The following NALCN variants were observed in gnomAD, a reference collection of about 807,000 sequenced individuals.
NALCN encodes sodium leak channel NALCN.
A neutral mutation model predicts 225.3 loss-of-function variants in NALCN; 111 were observed. That is an observed-to-expected ratio of 0.49 (90% CI 0.42 to 0.58). NALCN has a LOEUF of 0.58. NALCN is among the 20% of genes least tolerant of loss of function. NALCN has a pLI of 0.00. For synonymous variants in NALCN, 764 were observed against 769.0 expected, an observed-to-expected ratio of 0.99 and a Z score of 0.11; for missense variants, 1,378 against 2,202.4, an observed-to-expected ratio of 0.63 and a Z score of 7.49.
chr13:101,241,439 CTT>C lies in NALCN; in HGVS notation c.1267-3519_1267-3518del, dbSNP rs201983020. ...AATTCAGTACAGATAACATGATAAC[CTT>C]TTTTTTTCTTTTTCTGAGACAGAGT... On this transcript the variant is annotated intron_variant, in intron 11 of 43. Coordinates refer to ENST00000251127, the MANE Select transcript of NALCN (RefSeq NM_052867.4). Among the ~76,000 whole-genome samples, 3 of 151,212 alleles carry C rather than the reference CTT, an allele frequency of 2.0e-5. No individual in the cohort carries two copies. In the East Asian group the frequency reaches 5.9e-4, roughly 30 times the overall value.
chr13:101,107,121 C>T (rs377063481), intron 22 of NALCN, among the ~76,000 whole-genome samples: 2 of 152,214 alleles, frequency 1.3e-5, no homozygotes, highest in East Asian at 3.8e-4. Flanking sequence ...CTACAAGCCT[C>T]ATGGAAGACA....
chr13:101,132,787 T>C (rs2036580662), intron 17 of NALCN, among the ~76,000 whole-genome samples: 1 of 152,140 alleles, frequency 6.6e-6, no homozygotes, highest in South Asian at 2.1e-4. Flanking sequence ...CTAGGCTTAG[T>C]ATAAAAAAGC....
chr13:101,413,832 T>G (rs1386404027), intron 1 of NALCN, among the ~76,000 whole-genome samples: 1 of 152,208 alleles, frequency 6.6e-6, no homozygotes, highest in Non-Finnish European at 1.5e-5. Flanking sequence ...GAGAATTGTA[T>G]AACATGAGTG....
At chr13:101,340,187 G>C (rs989788222) in intron 7 of NALCN, among the ~76,000 whole-genome samples, 1 of 151,878 alleles carries the variant, frequency 6.6e-6, no homozygotes, top group Non-Finnish European at 1.5e-5. Context: ...AGAATTGCTT[G>C]AACCCAGGAG....
intron 17 of NALCN, among the ~76,000 whole-genome samples, chr13:101,125,724 C>G (rs1405251248): frequency 2.0e-5 from 3 of 152,106 alleles, no homozygotes; most frequent in Non-Finnish European, 4.4e-5. Context: ...GACTAGTCGG[C>G]AAAGGCTTCA....
intron 25 of NALCN, 98 bp from the exon 26 acceptor site, chr13:101,103,437 G>C: frequency 1.5e-6 from 2 of 1,375,574 alleles, no homozygotes; most frequent in South Asian, 1.4e-5. Context: ...ATTTAGCAGA[G>C]ATTCCACTCA....
chr13:101,134,574 T>C (rs2036677251), intron 17 of NALCN, among the ~76,000 whole-genome samples: 1 of 152,244 alleles, frequency 6.6e-6, no homozygotes, highest in South Asian at 2.1e-4. Context: ...TTTAATGTAG[T>C]TAGTCCTTGA....
At chr13:101,238,565 C>T (rs1352768860) in intron 11 of NALCN, among the ~76,000 whole-genome samples, 1 of 151,786 alleles carries the variant, frequency 6.6e-6, no homozygotes, top group Non-Finnish European at 1.5e-5. Flanking sequence ...TTCCAAATAA[C>T]AATATTATAA....
chr13:101,310,523 TA>T, intron 7 of NALCN, among the ~76,000 whole-genome samples: 1 of 152,114 alleles, frequency 6.6e-6, no homozygotes, highest in Non-Finnish European at 1.5e-5. Context: ...ATGGCCACCT[TA>T]TCTGAAACTG....
intron 10 of NALCN, among the ~76,000 whole-genome samples, chr13:101,275,704 C>T (rs1412100022): frequency 4.6e-5 from 7 of 151,938 alleles, no homozygotes; most frequent in Admixed American, 2.6e-4. Context: ...TTGGGAGATG[C>T]GCATTTAGGC....
At chr13:101,257,232 G>A (rs1232617896) in intron 11 of NALCN, among the ~76,000 whole-genome samples, 3 of 106,348 alleles carry the variant, frequency 2.8e-5, no homozygotes, top group African/African-American at 1.0e-4. Context: ...TTTTTTGCTA[G>A]ATTGTAAGCT....
At chr13:101,364,807 T>C (rs1037115471) in intron 6 of NALCN, among the ~76,000 whole-genome samples, 2 of 152,192 alleles carry the variant, frequency 1.3e-5, no homozygotes, top group Non-Finnish European at 2.9e-5. Context: ...TTGATTATTA[T>C]GCCTTACATC....
In NALCN at chr13:101,277,516, T is replaced by G. The variant is rs549380081; in HGVS notation, c.1134+6417A>C. 5.3e-5 allele frequency among the ~76,000 whole-genome samples: 8 copies of G among 152,300 alleles called. No individual in the cohort carries two copies. In the East Asian group the frequency reaches 1.5e-3, roughly 29 times the overall value. ...ACCCAACCAAGTGCCTCCTGAGACCTAGCAAGTAACATAATGAGAAAACTA... is the reference window on the plus strand; with the variant it reads ...ACCCAACCAAGTGCCTCCTGAGACCGAGCAAGTAACATAATGAGAAAACTA... On this transcript the variant is annotated intron_variant, in intron 10 of 43. Coordinates refer to ENST00000251127, the MANE Select transcript of NALCN (RefSeq NM_052867.4).
intron 13 of NALCN, among the ~76,000 whole-genome samples, chr13:101,202,032 A>T (rs2040143725): frequency 6.6e-6 from 1 of 152,166 alleles, no homozygotes; most frequent in South Asian, 2.1e-4. Context: ...TCATTTACTC[A>T]GTCTCCTTGT....
chr13:101,229,647 A>C, intron 12 of NALCN, 63 bp from the exon 13 acceptor site: 1 of 1,268,818 alleles, frequency 7.9e-7, no homozygotes, highest in Non-Finnish European at 1.1e-6. Flanking sequence ...TGAATCTTAA[A>C]TATATTCATA....
chr13:101,289,697 G>A (rs2043480090), intron 9 of NALCN, among the ~76,000 whole-genome samples: 1 of 152,094 alleles, frequency 6.6e-6, no homozygotes, highest in Non-Finnish European at 1.5e-5. Context: ...AGAAAGGCAA[G>A]AATGTACTTC....
chr13:101,281,160 A>G (rs1241474742), intron 10 of NALCN, among the ~76,000 whole-genome samples: 1 of 152,102 alleles, frequency 6.6e-6, no homozygotes, highest in Non-Finnish European at 1.5e-5. Context: ...GAATTACTCA[A>G]GGTTTTGATT....
chr13:101,147,805 C>T (rs951563159), intron 15 of NALCN, among the ~76,000 whole-genome samples: 2 of 152,074 alleles, frequency 1.3e-5, no homozygotes, highest in East Asian at 3.9e-4. Context: ...CCAGTCACAT[C>T]CTTCAGTTGC....
chr13:101,059,002 T>A (rs1244358699), intron 42 of NALCN: 1 of 152,374 alleles, frequency 6.6e-6, no homozygotes, highest in African/African-American at 2.4e-5. Context: ...TGCTGGGCCG[T>A]GGAGCCTTAG....
Sources: gnomAD v4.1 joint callset for allele counts (sites outside exome capture counted in the v4.1 genomes callset) on GRCh38, gnomAD v4.1.1 for gene constraint, MANE v1.5 for transcripts, NCBI Gene and HGNC (gene_info 2026-07-23, HGNC 2026-07-21) for gene names.